The following NRXN3 variants were observed in gnomAD, a reference collection of about 807,000 sequenced individuals.
NRXN3 encodes neurexin 3.
NRXN3 carries 32 observed loss-of-function variants against 137.6 expected under a neutral mutation model. That is an observed-to-expected ratio of 0.23 (90% CI 0.18 to 0.31). NRXN3 has a LOEUF of 0.31. Ranked by LOEUF, NRXN3 falls within the 10% of genes least tolerant of loss-of-function variation. The probability of loss-of-function intolerance (pLI) is 1.00; values close to 1 mark genes in which losing one functional copy is unlikely to be tolerated. For missense variants in NRXN3, 1,574 were observed against 2,062.5 expected, an observed-to-expected ratio of 0.76 and a Z score of 4.59; for synonymous variants, 798 against 784.5, an observed-to-expected ratio of 1.02 and a Z score of -0.29.
Position 78,757,409 on chromosome 14 carries a change from T to TAAAA in NRXN3, c.2044+42280_2044+42283dup, listed in dbSNP as rs59969129. Among the ~76,000 whole-genome samples, 806 of 138,570 alleles carry TAAAA rather than the reference T, an allele frequency of 5.8e-3. 43 individuals carry two copies. In the East Asian group the frequency reaches 0.13, roughly 23 times the overall value. 90.9% of individuals were successfully genotyped at this position (138,570 alleles called of 152,430 possible). On this transcript the variant is annotated intron_variant, in intron 8 of 20. Transcript: ENST00000335750. ...GGCGACAGAGAGAGATTCCATCTCT[T>TAAAA]AAAAAAAAAAAAAGGATTCTGCATG...
chr14:78,452,715 T>C (rs2094579742), intron 4 of NRXN3, among the ~76,000 whole-genome samples: 1 of 152,178 alleles, frequency 6.6e-6, no homozygotes, highest in Non-Finnish European at 1.5e-5. Flanking sequence ...GTGGTGCCAA[T>C]TTGGGTGCCC....
intron 10 of NRXN3, among the ~76,000 whole-genome samples, chr14:78,924,353 A>C (rs2099279153): frequency 6.6e-6 from 1 of 152,218 alleles, no homozygotes; most frequent in East Asian, 1.9e-4. Flanking sequence ...ACCCGATAAC[A>C]CCCAAACAAC....
rs571264337 is a variant in NRXN3, at chr14:79,691,197, C to T, written c.3617-976C>T. On this transcript the variant is annotated intron_variant, in intron 17 of 20. Transcript: ENST00000335750. ...CATTCAGCAGTGTTAATAACAGTTA[C>T]GAAGGAAGAGGGGGGGCATACTGGC... 3.5e-3 allele frequency among the ~76,000 whole-genome samples: 532 copies of T among 152,080 alleles called. 1 individual carries two copies. The highest frequency in any genetic ancestry group is 6.0e-3 in the Non-Finnish European group (407 of 67,972).
intron 4 of NRXN3, among the ~76,000 whole-genome samples, chr14:78,590,739 C>A (rs762985044): frequency 6.6e-6 from 1 of 152,070 alleles, no homozygotes. Context: ...CATGGCAAAA[C>A]CTTCTCTCTA....
At chr14:79,159,015 G>T (rs1359520624) in intron 15 of NRXN3, among the ~76,000 whole-genome samples, 2 of 151,844 alleles carry the variant, frequency 1.3e-5, no homozygotes, top group East Asian at 3.9e-4. Context: ...CTCTGGTAAA[G>T]CTCTCCTGAG....
At chr14:79,775,414 T>TAGGGTA (rs2099093563) in intron 19 of NRXN3, among the ~76,000 whole-genome samples, 1 of 151,910 alleles carries the variant, frequency 6.6e-6, no homozygotes, top group Non-Finnish European at 1.5e-5. Flanking sequence ...AATTTCAAGT[T>TAGGGTA]AGGGTAGTAG....
chr14:79,259,709 TACACACACACACACACACAC>T (rs71131688), intron 15 of NRXN3, among the ~76,000 whole-genome samples: 1 of 139,746 alleles, frequency 7.2e-6, no homozygotes, highest in Non-Finnish European at 1.5e-5. Flanking sequence ...TATAGTTTTA[TACACACACACACACACACAC>T]ACACACACAC....
chr14:79,161,743 G>A (rs1022987100), intron 15 of NRXN3, among the ~76,000 whole-genome samples: 4 of 151,722 alleles, frequency 2.6e-5, no homozygotes, highest in African/African-American at 9.7e-5. Flanking sequence ...GAAGCCTCTA[G>A]TTTGTAGATA....
intron 4 of NRXN3, among the ~76,000 whole-genome samples, chr14:78,612,693 T>G (rs8015473): frequency 0.48 from 72,975 of 152,042 alleles, 21,181 homozygotes; most frequent in African/African-American, 0.82. Context: ...ACTAGTCTGG[T>G]ACTCAGTTGA....
At chr14:78,827,791 C>G (rs778692655) in intron 10 of NRXN3, among the ~76,000 whole-genome samples, 34 of 152,230 alleles carry the variant, frequency 2.2e-4, no homozygotes, top group Non-Finnish European at 4.6e-4. Context: ...AAAACAGTGT[C>G]CGAGGAAAAT....
At chr14:79,582,077 A>G (rs2097721823) in intron 16 of NRXN3, among the ~76,000 whole-genome samples, 1 of 152,094 alleles carries the variant, frequency 6.6e-6, no homozygotes, top group African/African-American at 2.4e-5. Flanking sequence ...GGCACCTGCC[A>G]CCACGATGCC....
intron 16 of NRXN3, among the ~76,000 whole-genome samples, chr14:79,577,317 T>G (rs1429618034): frequency 6.6e-6 from 1 of 152,218 alleles, no homozygotes; most frequent in African/African-American, 2.4e-5. Context: ...AAACAATTGC[T>G]TACTGTCAGC....
chr14:79,721,481 G>A (rs2098844374), intron 19 of NRXN3, among the ~76,000 whole-genome samples: 1 of 152,144 alleles, frequency 6.6e-6, no homozygotes, highest in Non-Finnish European at 1.5e-5. Context: ...ACTAACAAGA[G>A]CACTGTATCT....
intron 10 of NRXN3, among the ~76,000 whole-genome samples, chr14:78,861,327 A>G (rs1001786992): frequency 6.6e-6 from 1 of 152,114 alleles, no homozygotes; most frequent in Non-Finnish European, 1.5e-5. Context: ...TACTCTTTCT[A>G]TTATCTATAT....
intron 4 of NRXN3, among the ~76,000 whole-genome samples, chr14:78,456,264 A>C (rs956683525): frequency 1.3e-5 from 2 of 152,244 alleles, no homozygotes; most frequent in African/African-American, 4.8e-5. Flanking sequence ...AAGAGGAAGT[A>C]AACCTTGTAA....
chr14:78,473,488 T>G (rs934573391), intron 4 of NRXN3, among the ~76,000 whole-genome samples: 1 of 152,174 alleles, frequency 6.6e-6, no homozygotes, highest in Non-Finnish European at 1.5e-5. Context: ...AGAAGTAACT[T>G]TATCTGGGAT....
At chr14:78,285,095 C>T (rs866090971) in intron 3 of NRXN3, among the ~76,000 whole-genome samples, 4 of 152,252 alleles carry the variant, frequency 2.6e-5, no homozygotes, top group Middle Eastern at 3.4e-3. Context: ...TTTCTTTAAC[C>T]TGATAGATTA....
chr14:79,215,774 C>T (rs1444863014), intron 15 of NRXN3, among the ~76,000 whole-genome samples: 2 of 152,168 alleles, frequency 1.3e-5, no homozygotes, highest in African/African-American at 4.8e-5. Context: ...CATACATATA[C>T]ATAGGTCAGA....
At chr14:79,150,494 G>C (rs540120636) in intron 15 of NRXN3, among the ~76,000 whole-genome samples, 3 of 151,996 alleles carry the variant, frequency 2.0e-5, no homozygotes, top group South Asian at 2.1e-4. Flanking sequence ...TTCCCAAACA[G>C]AGATCTGCAG....
Sources: allele counts gnomAD v4.1 joint callset (sites outside exome capture counted in the v4.1 genomes callset), GRCh38; gene constraint gnomAD v4.1.1; transcripts MANE v1.5; gene names NCBI Gene and HGNC (gene_info 2026-07-23, HGNC 2026-07-21).